Variants in ADD3 observed in about 807,000 individuals in gnomAD.
ADD3 encodes the protein adducin 3, also known as gamma-adducin.
In ADD3, 25 loss-of-function variants were observed where a neutral mutation model predicts 80.2. The observed-to-expected ratio is 0.31, with a 90% CI of 0.23 to 0.44. The LOEUF is 0.44. ADD3 is among the 20% of genes least tolerant of loss of function. ADD3 has a pLI of 1.00. For synonymous variants in ADD3, 284 were observed against 289.6 expected (o/e 0.98, Z 0.20); for missense variants, 829 against 847.5 (o/e 0.98, Z 0.27).
rs114877842 is a variant in ADD3 at position 110,012,737 on chromosome 10, C to A, written c.-30+4438C>A. On this transcript the variant is annotated intron_variant, in intron 1 of 14. Coordinates refer to ENST00000356080, the MANE Select transcript of ADD3 (RefSeq NM_016824.5). ...CCGTTATTGTACAAGATGTATAGGCCTTGGCATATGTTTATATCTTTTTTT... is the reference window on the plus strand; with the variant it reads ...CCGTTATTGTACAAGATGTATAGGCATTGGCATATGTTTATATCTTTTTTT... Among the ~76,000 whole-genome samples, 1,164 of 151,344 alleles carry A rather than the reference C, an allele frequency of 7.7e-3. 18 individuals are homozygous for A. Among genetic ancestry groups the A allele is most frequent in the African/African-American group, 0.027 (1,111 of 40,866 alleles).
chr10:110,061,118 A>G (rs1011244972), intron 1 of ADD3, among the ~76,000 whole-genome samples: 1 of 152,282 alleles, frequency 6.6e-6, no homozygotes, highest in East Asian at 1.9e-4. Flanking sequence ...CCACCGCTAT[A>G]TAATATGAAA....
At chr10:110,007,471 G>C (rs1271122094), upstream of ADD3, among the ~76,000 whole-genome samples, 1 of 152,230 alleles carries the variant, frequency 6.6e-6, no homozygotes, top group African/African-American at 2.4e-5. Flanking sequence ...GCTCAGCCTC[G>C]GGAGTAGGAG....
At chr10:110,064,602 A>G (rs1843681071) in intron 1 of ADD3, among the ~76,000 whole-genome samples, 1 of 152,036 alleles carries the variant, frequency 6.6e-6, no homozygotes, top group Non-Finnish European at 1.5e-5. Context: ...TTTATTATTG[A>G]TATCAGTGGT....
chr10:110,018,243 T>G (rs769223191), intron 1 of ADD3, among the ~76,000 whole-genome samples: 1 of 151,630 alleles, frequency 6.6e-6, no homozygotes, highest in Non-Finnish European at 1.5e-5. Context: ...AGAGATGGAG[T>G]GGGCTGGGTG....
chr10:110,116,580 A>AT (rs1850758029), intron 4 of ADD3, among the ~76,000 whole-genome samples, 170 bp downstream of exon 4: 1 of 152,202 alleles, frequency 6.6e-6, no homozygotes, highest in South Asian at 2.1e-4. Context: ...AGAGGCTCCA[A>AT]TTCCCCCACC....
At chr10:110,063,853 C>CT in intron 1 of ADD3, among the ~76,000 whole-genome samples, 1 of 146,142 alleles carries the variant, frequency 6.8e-6, no homozygotes, top group Non-Finnish European at 1.5e-5. Flanking sequence ...TCTGGGTTCT[C>CT]AGGCATTTCT....
chr10:110,098,266 G>A (rs1035830824), intron 1 of ADD3, among the ~76,000 whole-genome samples: 1 of 152,168 alleles, frequency 6.6e-6, no homozygotes, highest in Non-Finnish European at 1.5e-5. Context: ...AATAATCCTA[G>A]GAGTTGGATG....
At chr10:110,051,040 C>A (rs562537272) in intron 1 of ADD3, among the ~76,000 whole-genome samples, 5 of 152,116 alleles carry the variant, frequency 3.3e-5, no homozygotes, top group Non-Finnish European at 7.3e-5. Context: ...GACAACGGTG[C>A]CAGCACCATT....
intron 2 of ADD3, among the ~76,000 whole-genome samples, chr10:110,102,338 G>T (rs181388536): frequency 1.1e-4 from 17 of 152,240 alleles, no homozygotes; most frequent in Admixed American, 3.9e-4. Context: ...GGAAATGGTG[G>T]CTCACGCCTG....
chr10:110,089,410 C>G (rs1253838036), intron 1 of ADD3, among the ~76,000 whole-genome samples: 1 of 152,040 alleles, frequency 6.6e-6, no homozygotes, highest in Non-Finnish European at 1.5e-5. Context: ...GTCTGAGACG[C>G]ACATCTAAGT....
chr10:110,007,239 G>A (rs188552705), upstream of ADD3, among the ~76,000 whole-genome samples: 1 of 152,312 alleles, frequency 6.6e-6, no homozygotes, highest in African/African-American at 2.4e-5. Context: ...CAAAGCGGGA[G>A]TGAAGACTCT....
intron 1 of ADD3, among the ~76,000 whole-genome samples, chr10:110,053,735 A>G (rs1857794727): frequency 6.6e-6 from 1 of 152,236 alleles, no homozygotes; most frequent in African/African-American, 2.4e-5. Flanking sequence ...AAGAGTAGGT[A>G]AAATTCCCCT....
intron 12 of ADD3, among the ~76,000 whole-genome samples, chr10:110,129,321 G>A (rs1366493297): frequency 6.6e-6 from 1 of 151,864 alleles, no homozygotes; most frequent in African/African-American, 2.4e-5. Context: ...GGCTAATTTT[G>A]TATTTTTAGT....
chr10:110,116,860 CAA>C (rs1424059547), intron 4 of ADD3, among the ~76,000 whole-genome samples: 1 of 152,136 alleles, frequency 6.6e-6, no homozygotes, highest in African/African-American at 2.4e-5. Flanking sequence ...TATTTGGAAA[CAA>C]AAGAGGATTA....
At chr10:110,110,750 C>T (rs1278315415) in intron 2 of ADD3, among the ~76,000 whole-genome samples, 1 of 151,832 alleles carries the variant, frequency 6.6e-6, no homozygotes, top group Admixed American at 6.6e-5. Context: ...GTAATCCCAC[C>T]ACTTTGGGCT....
intron 1 of ADD3, among the ~76,000 whole-genome samples, chr10:110,045,745 C>T (rs985432508): frequency 6.6e-6 from 1 of 152,034 alleles, no homozygotes; most frequent in African/African-American, 2.4e-5. Flanking sequence ...AAACACAGAC[C>T]ATACATGGCA....
chr10:110,071,985 A>G (rs1844776162), intron 1 of ADD3, among the ~76,000 whole-genome samples: 2 of 152,304 alleles, frequency 1.3e-5, no homozygotes, highest in South Asian at 4.1e-4. Context: ...TAAATCCTGG[A>G]TTACCTGTTT....
chr10:110,062,849 A>G (rs1191664802), intron 1 of ADD3, among the ~76,000 whole-genome samples: 2 of 152,218 alleles, frequency 1.3e-5, no homozygotes, highest in Admixed American at 1.3e-4. Flanking sequence ...TAATATGGAT[A>G]TAAAATTTCT....
rs1456704589 is a variant in ADD3 at position 110,008,216 on chromosome 10, A to AGCGGCGGATCCGGCGGCTGCT, written c.-110_-90dup. 1 of 152,260 alleles carries AGCGGCGGATCCGGCGGCTGCT rather than the reference A, an allele frequency of 6.6e-6. No homozygotes were observed. Among genetic ancestry groups the AGCGGCGGATCCGGCGGCTGCT allele is most frequent in the East Asian group, 1.9e-4 (1 of 5,182 alleles). 9.4% of individuals were successfully genotyped at this position (152,260 alleles called of 1,614,324 possible). On this transcript the variant is annotated 5_prime_UTR_variant, in exon 1 of 15. Coordinates refer to ENST00000356080, the MANE Select transcript of ADD3 (RefSeq NM_016824.5). ...TCTGCGGCGCTTAAGAGGCGGCCGC[A>AGCGGCGGATCCGGCGGCTGCT]GCGGCGGATCCGGCGGCTGCTGCAG...
Sources: gnomAD v4.1 joint callset for allele counts (sites outside exome capture counted in the v4.1 genomes callset) on GRCh38, gnomAD v4.1.1 for gene constraint, MANE v1.5 for transcripts, NCBI Gene and HGNC (gene_info 2026-07-23, HGNC 2026-07-21) for gene names.